The following RSF1 variants were observed in gnomAD, a reference collection of about 807,000 sequenced individuals.
The protein encoded by RSF1 is remodeling and spacing factor 1.
RSF1 carries 13 observed loss-of-function variants against 145.2 expected under a neutral mutation model. That is an observed-to-expected ratio of 0.09 (90% CI 0.06 to 0.14). The LOEUF (loss-of-function observed/expected upper bound fraction) is 0.14. Among genes scored for constraint, RSF1 ranks in the 10% least tolerant of loss-of-function variants. RSF1 has a pLI of 1.00. For synonymous variants in RSF1, 577 were observed against 592.6 expected (o/e 0.97, Z 0.38); for missense variants, 1,517 against 1,718.2 (o/e 0.88, Z 2.07).
At chr11:77,788,142 CAAAAAAAAAAAAAAAAAAA>C (rs66595170) in intron 1 of RSF1, among the ~76,000 whole-genome samples, 60 of 3,434 alleles carry the variant, frequency 0.017, 2 homozygotes, top group Non-Finnish European at 0.049. Flanking sequence ...GACACTATCT[CAAAAAAAAAAAAAAAAAAA>C]AAAAAAAAAA....
intron 1 of RSF1, 50 bp from the exon 2 acceptor site, chr11:77,764,739 T>G: frequency 3.6e-6 from 4 of 1,105,280 alleles, no homozygotes; most frequent in Non-Finnish European, 5.4e-6. Context: ...AAAACAATTC[T>G]AAACATTTAA....
chr11:77,691,040 A>AT (rs1960138657), intron 9 of RSF1, 119 bp downstream of exon 9: 2 of 861,126 alleles, frequency 2.3e-6, no homozygotes, highest in African/African-American at 3.4e-5. Context: ...AGGAGGCTGG[A>AT]TTTGGCCCAC....
intron 1 of RSF1, among the ~76,000 whole-genome samples, chr11:77,792,815 A>G (rs1948533575): frequency 6.6e-6 from 1 of 152,112 alleles, no homozygotes; most frequent in African/African-American, 2.4e-5. Flanking sequence ...TCTTTCCCTG[A>G]CAAGCAAAAG....
intron 1 of RSF1, among the ~76,000 whole-genome samples, chr11:77,817,470 G>T (rs1344851301): frequency 2.6e-5 from 4 of 152,140 alleles, no homozygotes; most frequent in African/African-American, 9.7e-5. Context: ...GTATGTCAAG[G>T]CAGTAGCTCA....
chr11:77,823,621 CAAAAAA>C (rs397970373), upstream of RSF1, among the ~76,000 whole-genome samples: 1,135 of 97,640 alleles, frequency 0.012, 10 homozygotes, highest in Middle Eastern at 0.041. Flanking sequence ...CACCCTGTCT[CAAAAAA>C]AAAAAAAAAA....
At chr11:77,867,898 T>A in the RSF1 span, among the ~76,000 whole-genome samples, 1 of 152,070 alleles carries the variant, frequency 6.6e-6, no homozygotes, top group Non-Finnish European at 1.5e-5. Context: ...ATTAGGAAGT[T>A]CAGAAAAAAA....
At chr11:77,706,530 T>C (rs1355850604) in intron 5 of RSF1, among the ~76,000 whole-genome samples, 3 of 152,140 alleles carry the variant, frequency 2.0e-5, no homozygotes, top group African/African-American at 7.2e-5. Flanking sequence ...GCCCCATCTT[T>C]TTACCAGAAA....
rs764263561 is a variant in RSF1 at position 77,666,867 on chromosome 11, GGT to G, written c.*48_*49del. The G allele has an allele frequency of 1.1e-5, 16 of 1,412,110 alleles. No homozygotes were observed. The South Asian group carries it at 2.5e-4, about 22-fold the overall frequency. 87.5% of individuals were successfully genotyped at this position (1,412,110 alleles called of 1,614,324 possible). On this transcript the variant is annotated 3_prime_UTR_variant, in exon 16 of 16. Coordinates refer to ENST00000308488, the MANE Select transcript of RSF1 (RefSeq NM_016578.4). ...AACAGCTTTTAATAACTGGCCCGCT[GGT>G]GTGAGAGCTACCGTGGAATAAATTA...
chr11:77,667,373 TTCC>T lies in RSF1; in HGVS notation c.3867_3869del (p.Glu1292del), dbSNP rs750933315. 244 of 1,613,116 alleles carry T rather than the reference TTCC, an allele frequency of 1.5e-4. No homozygotes were observed. Among genetic ancestry groups the T allele is most frequent in the African/African-American group, 5.5e-4 (41 of 74,988 alleles). On this transcript the variant is annotated inframe_deletion, in exon 16 of 16. Transcript: ENST00000308488. Reference sequence around the variant, plus strand: ...GTTTGCGGGATGGTTTGCCTTCCTCTTCCTCCTCCTCCTCATCTGCTTCTGAAT... The same window carrying T: ...GTTTGCGGGATGGTTTGCCTTCCTCTTCCTCCTCCTCATCTGCTTCTGAAT...
intron 2 of RSF1, among the ~76,000 whole-genome samples, chr11:77,750,272 C>T (rs945051095): frequency 7.9e-5 from 12 of 152,178 alleles, no homozygotes; most frequent in African/African-American, 2.9e-4. Context: ...AGTTTTTCCT[C>T]AAGGCCCAAA....
chr11:77,681,902 T>C (rs1959871844), intron 11 of RSF1, among the ~76,000 whole-genome samples: 1 of 152,248 alleles, frequency 6.6e-6, no homozygotes, highest in African/African-American at 2.4e-5. Flanking sequence ...ATTTAACATA[T>C]GTCAAATGGC....
At chr11:77,755,171 G>A (rs956788123) in intron 2 of RSF1, among the ~76,000 whole-genome samples, 3 of 152,180 alleles carry the variant, frequency 2.0e-5, no homozygotes, top group African/African-American at 7.2e-5. Flanking sequence ...TTGAAATCAT[G>A]GCTGCTATGT....
intron 5 of RSF1, among the ~76,000 whole-genome samples, chr11:77,716,618 G>A (rs1388545485): frequency 6.6e-6 from 1 of 152,130 alleles, no homozygotes; most frequent in Non-Finnish European, 1.5e-5. Flanking sequence ...CTGAAGGTGT[G>A]GGGAGATGCT....
At chr11:77,772,944 G>T (rs911813109) in intron 1 of RSF1, among the ~76,000 whole-genome samples, 1 of 151,302 alleles carries the variant, frequency 6.6e-6, no homozygotes, top group African/African-American at 2.4e-5. Context: ...GTATCAAATG[G>T]ATGAAGGAAT....
rs73493809 is a variant in RSF1, at chr11:77,757,021, C to T, written c.279+7577G>A. Among the ~76,000 whole-genome samples, 1,224 of 152,264 alleles carry T rather than the reference C, an allele frequency of 8.0e-3. 13 individuals are homozygous for T. Among genetic ancestry groups the T allele is most frequent in the African/African-American group, 0.026 (1,087 of 41,536 alleles). ...TGAAAACAGAGAGGAAACACTAACT[C>T]AAGCCAAGGGGTGAAGGGAAACCAA... On this transcript the variant is annotated intron_variant, in intron 2 of 15. Transcript: ENST00000308488.
chr11:77,701,414 T>C lies in RSF1; in HGVS notation c.1815A>G (p.Pro605=). The C allele has an allele frequency of 6.2e-7, 1 of 1,614,118 alleles. No individual in the cohort carries two copies. The highest frequency in any genetic ancestry group is 8.5e-7 in the Non-Finnish European group (1 of 1,180,032). ...TACTCTTTGGAACTTCTTCTGGTATTGGACTCAATCTTTGTGCGTCCTTAT... is the reference window on the plus strand; with the variant it reads ...TACTCTTTGGAACTTCTTCTGGTATCGGACTCAATCTTTGTGCGTCCTTAT... ...FLDKDAQRLS[P]IPEEVPKSTL... is the part of the protein sequence containing the mutation. Residue 605 remains proline, a synonymous_variant, in exon 6 of 16, where the codon CCA becomes CCG. Coordinates refer to ENST00000308488, the MANE Select transcript of RSF1 (RefSeq NM_016578.4).
chr11:77,799,774 T>C (rs1009884641), intron 1 of RSF1, among the ~76,000 whole-genome samples: 4 of 152,042 alleles, frequency 2.6e-5, no homozygotes, highest in African/African-American at 9.7e-5. Flanking sequence ...ACTAGACTGA[T>C]GAAGAAAAAT....
chr11:77,830,208 A>ATATGT, the RSF1 span: 1 of 152,246 alleles, frequency 6.6e-6, no homozygotes, highest in African/African-American at 2.4e-5. Flanking sequence ...TTCATCTAGA[A>ATATGT]TATGTTAAAA....
intron 9 of RSF1, among the ~76,000 whole-genome samples, chr11:77,690,690 T>C (rs1960130269): frequency 6.6e-6 from 1 of 152,106 alleles, no homozygotes. Context: ...AGTGCTGGGA[T>C]TACAGGCGGG....
Sources: allele counts gnomAD v4.1 joint callset (sites outside exome capture counted in the v4.1 genomes callset), GRCh38; gene constraint gnomAD v4.1.1; transcripts MANE v1.5; gene names NCBI Gene and HGNC (gene_info 2026-07-23, HGNC 2026-07-21).